Variants in SULF2 observed in about 807,000 individuals in gnomAD.
SULF2 encodes the protein sulfatase 2, also known as extracellular sulfatase Sulf-2.
A neutral mutation model predicts 107.7 loss-of-function variants in SULF2; 52 were observed. The ratio of observed to expected loss-of-function variants is 0.48; its 90% CI spans 0.39 to 0.61. SULF2 has a LOEUF of 0.61. Ranked by LOEUF, SULF2 falls within the 20% of genes least tolerant of loss-of-function variation. The pLI, the probability that SULF2 is intolerant of heterozygous loss-of-function variation, is 0.00. For synonymous variants in SULF2, 460 were observed against 464.3 expected, an observed-to-expected ratio of 0.99 and a Z score of 0.12; for missense variants, 993 against 1,177.3, an observed-to-expected ratio of 0.84 and a Z score of 2.29.
At chr20:47,701,210 T>C (rs1688041785) in intron 4 of SULF2, among the ~76,000 whole-genome samples, 1 of 152,250 alleles carries the variant, frequency 6.6e-6, no homozygotes, top group Non-Finnish European at 1.5e-5. Flanking sequence ...GGTGAAGTTC[T>C]AGAATAGGCA....
At chr20:47,740,091 T>C (rs748140019) in intron 2 of SULF2, among the ~76,000 whole-genome samples, 2 of 152,246 alleles carry the variant, frequency 1.3e-5, no homozygotes, top group African/African-American at 2.4e-5. Context: ...GGCAGTCTTC[T>C]ATGCCAGTAA....
At chr20:47,676,683 G>A (rs1428544879) in intron 9 of SULF2, 60 bp from the exon 10 acceptor site, 4 of 1,541,080 alleles carry the variant, frequency 2.6e-6, no homozygotes, top group African/African-American at 1.4e-5. Flanking sequence ...GAGCCCCGGA[G>A]GCATGTGTGC....
chr20:47,729,416 C>A (rs950134637), intron 3 of SULF2, among the ~76,000 whole-genome samples: 5 of 152,144 alleles, frequency 3.3e-5, no homozygotes, highest in Admixed American at 6.5e-5. Flanking sequence ...GAAAACAGAC[C>A]AAGGGGTCAT....
At chr20:47,677,002 C>CG in intron 9 of SULF2, 76 bp downstream of exon 9, 1 of 1,499,266 alleles carries the variant, frequency 6.7e-7, no homozygotes, top group Non-Finnish European at 9.2e-7. Context: ...TAGCATGATG[C>CG]GGTGGGGCTA....
intron 2 of SULF2, among the ~76,000 whole-genome samples, chr20:47,753,952 T>C (rs555501402): frequency 1.1e-4 from 16 of 152,210 alleles, no homozygotes; most frequent in East Asian, 1.9e-4. Flanking sequence ...CAGAGGGCCA[T>C]TGAGACACAG....
At chr20:47,772,044 T>A (rs529165077) in intron 1 of SULF2, among the ~76,000 whole-genome samples, 1 of 152,330 alleles carries the variant, frequency 6.6e-6, no homozygotes, top group East Asian at 1.9e-4. Flanking sequence ...CTGTGCTCCA[T>A]CCCATATGCC....
At chr20:47,764,961 G>A (rs1297424734) in intron 1 of SULF2, among the ~76,000 whole-genome samples, 1 of 152,166 alleles carries the variant, frequency 6.6e-6, no homozygotes, top group Non-Finnish European at 1.5e-5. Context: ...GGCACGGACA[G>A]GTTCCAGAAC....
At chr20:47,698,718 C>T (rs1055077717) in intron 4 of SULF2, among the ~76,000 whole-genome samples, 3 of 152,048 alleles carry the variant, frequency 2.0e-5, no homozygotes, top group Admixed American at 1.3e-4. Flanking sequence ...ACTTCAAGAG[C>T]CTAGTCTGAT....
intron 2 of SULF2, among the ~76,000 whole-genome samples, chr20:47,745,395 AAAAAAAAAAAAAAAAATATATATATAT>A (rs2089989568): frequency 4.0e-4 from 9 of 22,264 alleles, no homozygotes; most frequent in Non-Finnish European, 5.3e-4. Flanking sequence ...AAAAAAAAAA[AAAAAAAAAAAAAAAAATATATATATAT>A]ATATATATAT....
At chr20:47,688,107 A>G (rs560264036) in intron 5 of SULF2, among the ~76,000 whole-genome samples, 96 of 148,512 alleles carry the variant, frequency 6.5e-4, no homozygotes, top group African/African-American at 2.3e-3. Context: ...GCCAGAGTAC[A>G]CAAGGCCTGC....
rs1188540307 is a variant in SULF2 at position 47,666,371 on chromosome 20, C to T, written c.1694G>A (p.Arg565Gln). Residue 565 changes from arginine to glutamine, a missense_variant, in exon 12 of 21, where the codon CGG becomes CAG. Transcript: ENST00000688720. This position sits in a 1 kb window ranked among gnomAD's most constrained non-coding sequence, Gnocchi z 5.4. ...GTCCTCAGGGGCCCCTGGCCAGTGC[C>T]GCTTGGTGAGGTTTCGGGGCTGGGC... ...DAAQPRNLTKRHWPGAPEDQD... is the reference protein window; with the variant it reads ...DAAQPRNLTKQHWPGAPEDQD... 13 of 1,613,976 alleles carry T rather than the reference C, an allele frequency of 8.1e-6. No homozygotes were observed. The highest frequency in any genetic ancestry group is 2.2e-5 in the East Asian group (1 of 44,890).
intron 3 of SULF2, among the ~76,000 whole-genome samples, chr20:47,709,747 G>C (rs1158349727): frequency 2.0e-5 from 3 of 150,904 alleles, no homozygotes; most frequent in Non-Finnish European, 4.4e-5. Flanking sequence ...CACCAAGAGG[G>C]AAGAGTCTGT....
intron 4 of SULF2, among the ~76,000 whole-genome samples, chr20:47,700,935 T>A (rs1568832587): frequency 6.6e-6 from 1 of 152,196 alleles, no homozygotes; most frequent in Non-Finnish European, 1.5e-5. Flanking sequence ...TGTGAGCCAC[T>A]GCGCCTGGCC....
chr20:47,677,431 C>T (rs11698880), intron 8 of SULF2, among the ~76,000 whole-genome samples: 48,936 of 112,508 alleles, frequency 0.43, 8,344 homozygotes, highest in African/African-American at 0.5. Context: ...TGTGTGTGTG[C>T]GCGCACACAC....
chr20:47,746,242 C>A (rs776792807), intron 2 of SULF2, among the ~76,000 whole-genome samples: 82 of 152,202 alleles, frequency 5.4e-4, no homozygotes, highest in Non-Finnish European at 7.5e-4. Flanking sequence ...TCTACTGGGG[C>A]CCAGAGACCT....
chr20:47,769,260 T>C (rs1173398729), intron 1 of SULF2, among the ~76,000 whole-genome samples: 13 of 152,226 alleles, frequency 8.5e-5, no homozygotes, highest in Non-Finnish European at 1.5e-4. Context: ...CAGAATGGTC[T>C]CAATTTCCTG....
rs1187395824 is a variant in SULF2, at chr20:47,657,962, T to C, written c.*400A>G. ...GACAAACCAAAAGAATAAGAGGATT[T>C]AGAACAGGACTGCTTTTCCCCTATG... On this transcript the variant is annotated 3_prime_UTR_variant, in exon 21 of 21. Coordinates refer to ENST00000688720, the MANE Select transcript of SULF2 (RefSeq NM_001387048.1). The C allele has an allele frequency of 1.3e-5, 3 of 232,774 alleles. No individual in the cohort carries two copies. Among genetic ancestry groups the C allele is most frequent in the African/African-American group, 6.8e-5 (3 of 44,044 alleles). 14.4% of individuals were successfully genotyped at this position (232,774 alleles called of 1,614,324 possible). A position where few individuals can be genotyped will look rare whatever the true frequency, so the allele number is the denominator to read the frequency against.
At chr20:47,761,418 C>T (rs183365486) in intron 1 of SULF2, among the ~76,000 whole-genome samples, 167 of 152,334 alleles carry the variant, frequency 1.1e-3, no homozygotes, top group African/African-American at 3.8e-3. Flanking sequence ...ATTTGCTTAA[C>T]GTGCTTCTTT....
intron 3 of SULF2, among the ~76,000 whole-genome samples, chr20:47,734,241 C>G (rs1457687884): frequency 6.6e-6 from 1 of 152,216 alleles, no homozygotes; most frequent in Non-Finnish European, 1.5e-5. Context: ...CCCGGTCTCT[C>G]TCACACACAC....
Sources: gnomAD v4.1 joint callset for allele counts (sites outside exome capture counted in the v4.1 genomes callset) on GRCh38, gnomAD v4.1.1 for gene constraint, Gnocchi (gnomAD v3.1) non-coding constraint, MANE v1.5 for transcripts, NCBI Gene and HGNC (gene_info 2026-07-23, HGNC 2026-07-21) for gene names.